The following UVRAG variants were observed in gnomAD, a reference collection of about 807,000 sequenced individuals.
UVRAG encodes UV radiation resistance associated.
In UVRAG, 19 loss-of-function variants were observed where a neutral mutation model predicts 78.0. The observed-to-expected ratio is 0.24, with a 90% CI of 0.17 to 0.36. The LOEUF is 0.36. Among genes scored for constraint, UVRAG ranks in the 10% least tolerant of loss-of-function variants. The pLI is 1.00. For synonymous variants in UVRAG, 323 were observed against 324.6 expected (o/e 1.00, Z 0.05); for missense variants, 740 against 853.8 (o/e 0.87, Z 1.66).
chr11:76,065,203 G>A (rs1411175510), intron 12 of UVRAG, among the ~76,000 whole-genome samples: 1 of 152,198 alleles, frequency 6.6e-6, no homozygotes, highest in Non-Finnish European at 1.5e-5. Context: ...CTGTAAATGT[G>A]AATGAATATT....
intron 13 of UVRAG, among the ~76,000 whole-genome samples, chr11:76,088,362 G>A (rs945788305): frequency 6.6e-6 from 1 of 152,034 alleles, no homozygotes; most frequent in Non-Finnish European, 1.5e-5. Flanking sequence ...AAACGAGGAC[G>A]AGGGGTGGGA....
chr11:75,948,341 G>C (rs1948620838), intron 6 of UVRAG, among the ~76,000 whole-genome samples: 1 of 152,082 alleles, frequency 6.6e-6, no homozygotes, highest in South Asian at 2.1e-4. Context: ...AGATTAAAAA[G>C]GAAGGCCTTT....
chr11:75,824,168 T>TA (rs916844689), intron 1 of UVRAG, among the ~76,000 whole-genome samples: 1 of 152,206 alleles, frequency 6.6e-6, no homozygotes, highest in Non-Finnish European at 1.5e-5. Flanking sequence ...TGCAAATATT[T>TA]ACTAAGCCCC....
intron 7 of UVRAG, chr11:75,979,855 T>C (rs1418243863): frequency 6.6e-6 from 1 of 152,300 alleles, no homozygotes; most frequent in Non-Finnish European, 1.5e-5. Flanking sequence ...AGGCGATGCC[T>C]TGCCCTGCTT....
intron 3 of UVRAG, among the ~76,000 whole-genome samples, chr11:75,870,373 G>A (rs543364148): frequency 6.6e-6 from 1 of 152,258 alleles, no homozygotes; most frequent in Non-Finnish European, 1.5e-5. Flanking sequence ...TTTGAATGAA[G>A]TATTTAAGAA....
intron 7 of UVRAG, among the ~76,000 whole-genome samples, chr11:75,975,219 A>G (rs372884238): frequency 1.3e-5 from 2 of 152,166 alleles, no homozygotes; most frequent in South Asian, 2.1e-4. Context: ...TGTTCCATTG[A>G]TCTATATCTC....
At chr11:76,008,392 G>T (rs1202797037) in intron 10 of UVRAG, among the ~76,000 whole-genome samples, 1 of 152,078 alleles carries the variant, frequency 6.6e-6, no homozygotes, top group East Asian at 1.9e-4. Flanking sequence ...AATTGATTAG[G>T]ATTATTTTTC....
At chr11:76,009,148 C>A (rs114306433) in intron 11 of UVRAG, among the ~76,000 whole-genome samples, 519 of 152,188 alleles carry the variant, frequency 3.4e-3, no homozygotes, top group African/African-American at 0.012. Flanking sequence ...TACAAATAAT[C>A]GCCCTTCCTT....
chr11:75,994,533 A>C (rs1485811971), intron 8 of UVRAG, among the ~76,000 whole-genome samples: 1 of 152,220 alleles, frequency 6.6e-6, no homozygotes, highest in African/African-American at 2.4e-5. Context: ...CATAAATCAC[A>C]TGAAGTAGAT....
intron 3 of UVRAG, among the ~76,000 whole-genome samples, chr11:75,869,761 T>G (rs377439067): frequency 2.6e-5 from 4 of 152,206 alleles, no homozygotes; most frequent in East Asian, 3.9e-4. Flanking sequence ...GAAAGAGAGT[T>G]TATTGTGTTA....
chr11:75,871,818 T>A (rs1168378223), intron 3 of UVRAG, among the ~76,000 whole-genome samples: 1 of 152,190 alleles, frequency 6.6e-6, no homozygotes, highest in East Asian at 1.9e-4. Context: ...CAGTGTGAGA[T>A]TTTTAGTTGC....
At chr11:75,933,422 G>T (rs529422236) in intron 6 of UVRAG, among the ~76,000 whole-genome samples, 2 of 152,252 alleles carry the variant, frequency 1.3e-5, no homozygotes, top group African/African-American at 4.8e-5. Flanking sequence ...AAATATTGGG[G>T]AACTCTCCAG....
chr11:76,110,211 CATATATATATAT>C (rs10526191), intron 13 of UVRAG, among the ~76,000 whole-genome samples: 1 of 136,644 alleles, frequency 7.3e-6, no homozygotes, highest in African/African-American at 3.0e-5. Flanking sequence ...ATATCTGGTA[CATATATATATAT>C]ATATATATGT....
At chr11:75,896,469 C>T (rs1053364702) in intron 5 of UVRAG, among the ~76,000 whole-genome samples, 7 of 152,004 alleles carry the variant, frequency 4.6e-5, no homozygotes, top group African/African-American at 9.7e-5. Context: ...CAGTCCTAGT[C>T]GTTAGGAATA....
At chr11:76,112,001 G>A (rs1952078114) in intron 13 of UVRAG, among the ~76,000 whole-genome samples, 1 of 150,930 alleles carries the variant, frequency 6.6e-6, no homozygotes, top group Non-Finnish European at 1.5e-5. Flanking sequence ...GGAGGAGGAG[G>A]CAAAATAATA....
chr11:76,081,430 T>G (rs1951491638), intron 13 of UVRAG, among the ~76,000 whole-genome samples: 1 of 152,120 alleles, frequency 6.6e-6, no homozygotes, highest in Non-Finnish European at 1.5e-5. Flanking sequence ...GGTTCTGAAC[T>G]CCTGACCTCC....
At chr11:75,918,474 G>A (rs914795617) in intron 6 of UVRAG, among the ~76,000 whole-genome samples, 1 of 152,028 alleles carries the variant, frequency 6.6e-6, no homozygotes, top group East Asian at 1.9e-4. Flanking sequence ...ACTTCTTAGT[G>A]TGATATTCAA....
chr11:75,866,410 G>A (rs1037490420), intron 3 of UVRAG, among the ~76,000 whole-genome samples: 1 of 148,680 alleles, frequency 6.7e-6, no homozygotes, highest in African/African-American at 2.6e-5. Flanking sequence ...AGCTGGGCAT[G>A]GTGGTGCATA....
At chr11:75,829,276 T>G (rs1945602355) in intron 1 of UVRAG, among the ~76,000 whole-genome samples, 1 of 152,198 alleles carries the variant, frequency 6.6e-6, no homozygotes, top group African/African-American at 2.4e-5. Context: ...ATTAGTGCAT[T>G]TTTTAATATT....
Sources: allele counts gnomAD v4.1 joint callset (sites outside exome capture counted in the v4.1 genomes callset), GRCh38; gene constraint gnomAD v4.1.1; transcripts MANE v1.5; gene names NCBI Gene and HGNC (gene_info 2026-07-23, HGNC 2026-07-21).